The following PAX3 variants were observed in gnomAD, a reference collection of about 807,000 sequenced individuals.
PAX3 encodes the protein paired box protein Pax-3.
Under a neutral mutation model 51.6 loss-of-function variants are expected in PAX3, and 14 were observed. The observed-to-expected ratio is 0.27, with a 90% CI of 0.18 to 0.42. The LOEUF (loss-of-function observed/expected upper bound fraction) is 0.42, where lower values mean the gene tolerates loss of function less well. Ranked by LOEUF, PAX3 falls within the 10% of genes least tolerant of loss-of-function variation. PAX3 has a pLI of 1.00. For missense variants in PAX3, 540 were observed against 642.8 expected, an observed-to-expected ratio of 0.84 and a Z score of 1.73; for synonymous variants, 280 against 253.4, an observed-to-expected ratio of 1.11 and a Z score of -1.00.
chr2:222,221,483 C>T, intron 5 of PAX3, 96 bp from the exon 6 acceptor site: 1 of 1,144,804 alleles, frequency 8.7e-7, no homozygotes, highest in Non-Finnish European at 1.3e-6. Context: ...AGGCTTCTTA[C>T]TGAAAGGGCA....
chr2:222,231,296 C>G (rs1276116375), intron 5 of PAX3, among the ~76,000 whole-genome samples: 1 of 152,132 alleles, frequency 6.6e-6, no homozygotes, highest in Non-Finnish European at 1.5e-5. Context: ...GTGAGGAGTT[C>G]GAGGATACCC....
intron 4 of PAX3, among the ~76,000 whole-genome samples, chr2:222,286,347 T>C (rs1347910178): frequency 6.6e-6 from 1 of 152,212 alleles, no homozygotes; most frequent in Non-Finnish European, 1.5e-5. Context: ...ATACAGTAAA[T>C]ATGGCCAAAT....
chr2:222,228,094 A>G (rs1021259452), intron 5 of PAX3, among the ~76,000 whole-genome samples: 2 of 152,150 alleles, frequency 1.3e-5, no homozygotes, highest in Non-Finnish European at 2.9e-5. Flanking sequence ...TCTAAAAACT[A>G]AAGGATTTTC....
chr2:222,204,740 G>C (rs1691439026), intron 7 of PAX3, among the ~76,000 whole-genome samples: 1 of 152,130 alleles, frequency 6.6e-6, no homozygotes, highest in Non-Finnish European at 1.5e-5. Flanking sequence ...TCAGTCCAGA[G>C]AGGAAAGATA....
intron 4 of PAX3, among the ~76,000 whole-genome samples, chr2:222,287,819 C>T (rs1694884421): frequency 6.6e-6 from 1 of 152,136 alleles, no homozygotes; most frequent in South Asian, 2.1e-4. Context: ...AAATTCTGCT[C>T]TGTATGTCAA....
chr2:222,224,374 T>G (rs981073305), intron 5 of PAX3, among the ~76,000 whole-genome samples: 1 of 152,220 alleles, frequency 6.6e-6, no homozygotes, highest in Non-Finnish European at 1.5e-5. Flanking sequence ...CAGGGCTTAG[T>G]GAGGACTGGC....
chr2:222,291,213 C>T lies in PAX3; in HGVS notation c.586+2954G>A, dbSNP rs150216520. ...GGGCGGTGCCCACAGCCCCGGATGC[C>T]TCGGCCAGGACTTGGCTCCCCCGGC... On this transcript the variant is annotated intron_variant, in intron 4 of 8. Transcript: ENST00000392070. 3.1e-3 allele frequency among the ~76,000 whole-genome samples: 468 copies of T among 152,318 alleles called. 6 individuals carry two copies. The highest frequency in any genetic ancestry group is 0.011 in the African/African-American group (452 of 41,586).
intron 5 of PAX3, among the ~76,000 whole-genome samples, chr2:222,223,537 T>C (rs144324295): frequency 3.3e-5 from 5 of 152,224 alleles, no homozygotes; most frequent in African/African-American, 7.2e-5. Context: ...CTGTGTTAGC[T>C]TGGGGAGGCT....
At chr2:222,264,150 C>T (rs1048524202) in intron 4 of PAX3, 7 of 152,124 alleles carry the variant, frequency 4.6e-5, no homozygotes, top group African/African-American at 1.7e-4. Context: ...GCCCAACTGT[C>T]CATCGTAGAA....
intron 5 of PAX3, among the ~76,000 whole-genome samples, chr2:222,223,991 T>G (rs1692293321): frequency 6.6e-6 from 1 of 152,152 alleles, no homozygotes; most frequent in Non-Finnish European, 1.5e-5. Context: ...ACCCAATTTT[T>G]AAAAACAAAA....
At chr2:222,241,573 T>C (rs1485660045) in intron 4 of PAX3, among the ~76,000 whole-genome samples, 2 of 152,230 alleles carry the variant, frequency 1.3e-5, no homozygotes, top group African/African-American at 4.8e-5. Context: ...ATTACTTGAC[T>C]TGCTAAAGAG....
chr2:222,278,515 T>G (rs1694510944), intron 4 of PAX3, among the ~76,000 whole-genome samples: 1 of 152,156 alleles, frequency 6.6e-6, no homozygotes, highest in African/African-American at 2.4e-5. Context: ...AAGAGACCCT[T>G]CTTGTCCTTC....
chr2:222,201,561 A>G, intron 8 of PAX3, 119 bp from the exon 9 acceptor site: 1 of 1,417,918 alleles, frequency 7.1e-7, no homozygotes, highest in African/African-American at 1.4e-5. Context: ...GCTTGAGACT[A>G]ATATTTTTAT....
intron 4 of PAX3, among the ~76,000 whole-genome samples, chr2:222,274,980 T>G (rs1017356087): frequency 6.6e-6 from 1 of 152,240 alleles, no homozygotes; most frequent in Non-Finnish European, 1.5e-5. Context: ...CTGTTTTGAT[T>G]TGTATGGAAT....
intron 4 of PAX3, among the ~76,000 whole-genome samples, chr2:222,245,235 C>T (rs959778238): frequency 6.6e-6 from 1 of 152,192 alleles, no homozygotes; most frequent in Non-Finnish European, 1.5e-5. Flanking sequence ...AGGGCCTAAA[C>T]AGGAAGGCCA....
At chr2:222,238,451 AAC>A (rs1692882554) in intron 4 of PAX3, among the ~76,000 whole-genome samples, 1 of 152,202 alleles carries the variant, frequency 6.6e-6, no homozygotes, top group African/African-American at 2.4e-5. Flanking sequence ...AAAATGGAGA[AAC>A]AAAATAATTC....
rs571353598 is a variant in PAX3 at position 222,218,640 on chromosome 2, T to C, written c.1173+1500A>G. Among the ~76,000 whole-genome samples the C allele has an allele frequency of 1.1e-3, 166 of 152,326 alleles. 1 individual carries two copies. Among genetic ancestry groups the C allele is most frequent in the Middle Eastern group, 3.4e-3 (1 of 294 alleles). ...GGAAGAAGCTCATATGCCATGAATC[T>C]GGGTATTTTAAGGATGACTCTATCA... On this transcript the variant is annotated intron_variant, in intron 7 of 8. Transcript: ENST00000392070.
chr2:222,282,436 T>C (rs1368137449), intron 4 of PAX3, among the ~76,000 whole-genome samples: 1 of 151,904 alleles, frequency 6.6e-6, no homozygotes, highest in African/African-American at 2.4e-5. Flanking sequence ...GGATATATAC[T>C]CTCTAAAAAT....
intron 4 of PAX3, among the ~76,000 whole-genome samples, chr2:222,275,221 G>A (rs576735365): frequency 6.6e-6 from 1 of 152,186 alleles, no homozygotes; most frequent in East Asian, 1.9e-4. Context: ...TATACAAAGG[G>A]TATAGTTCTT....
Sources: allele counts gnomAD v4.1 joint callset (sites outside exome capture counted in the v4.1 genomes callset), GRCh38; gene constraint gnomAD v4.1.1; transcripts MANE v1.5; gene names NCBI Gene and HGNC (gene_info 2026-07-23, HGNC 2026-07-21).